The following MTHFD1 variants were observed in gnomAD, a reference collection of about 807,000 sequenced individuals.
MTHFD1 encodes the protein methylenetetrahydrofolate dehydrogenase, cyclohydrolase and formyltetrahydrofolate synthetase 1, also known as C-1-tetrahydrofolate synthase, cytoplasmic.
A neutral mutation model predicts 110.3 loss-of-function variants in MTHFD1; 44 were observed. The observed-to-expected ratio is 0.40, with a 90% confidence interval of 0.31 to 0.51. The LOEUF (loss-of-function observed/expected upper bound fraction) is 0.51, where lower values mean the gene tolerates loss of function less well. Among genes scored for constraint, MTHFD1 ranks in the 20% least tolerant of loss-of-function variants. The pLI is 0.60. For missense variants in MTHFD1, 909 were observed against 1,173.1 expected, an observed-to-expected ratio of 0.77 and a Z score of 3.29; for synonymous variants, 402 against 428.8, an observed-to-expected ratio of 0.94 and a Z score of 0.77.
At chr14:64,416,142 G>A (rs1172028483) in intron 6 of MTHFD1, among the ~76,000 whole-genome samples, 1 of 152,120 alleles carries the variant, frequency 6.6e-6, no homozygotes, top group Non-Finnish European at 1.5e-5. Context: ...CTATTCGGGA[G>A]GCAGAGGTGG....
At chr14:64,430,155 T>C in intron 12 of MTHFD1, 29 bp from the exon 13 acceptor site, 1 of 1,611,108 alleles carries the variant, frequency 6.2e-7, no homozygotes, top group Non-Finnish European at 8.5e-7. Flanking sequence ...CATGCTTAAC[T>C]GAGCTTCCAC....
At chr14:64,407,501 T>C (rs2077944207) in intron 2 of MTHFD1, among the ~76,000 whole-genome samples, 1 of 148,764 alleles carries the variant, frequency 6.7e-6, no homozygotes, top group Non-Finnish European at 1.5e-5. Flanking sequence ...GTGATAGAAA[T>C]ACAGCCTCAG....
chr14:64,445,061 C>T (rs1310100018), intron 22 of MTHFD1: 1 of 383,700 alleles, frequency 2.6e-6, no homozygotes, highest in Non-Finnish European at 5.0e-6. Flanking sequence ...GGGAGTGCTA[C>T]TGGAATCTAG....
chr14:64,419,978 G>C, intron 8 of MTHFD1, 53 bp downstream of exon 8: 1 of 1,267,396 alleles, frequency 7.9e-7, no homozygotes, highest in Non-Finnish European at 1.2e-6. Context: ...ATGGTATCTA[G>C]GTCATCAAAA....
In MTHFD1 at chr14:64,417,633, C is replaced by G. The variant is rs56386725; in HGVS notation, c.479-255C>G. On this transcript the variant is annotated intron_variant, in intron 6 of 27. Coordinates refer to ENST00000652337, the MANE Select transcript of MTHFD1 (RefSeq NM_005956.4). This position sits in a 1 kb window ranked among gnomAD's most constrained non-coding sequence, Gnocchi z 4.4. ...GAGTGTAGGTTTTCTTCCCACTCCC[C>G]TATGACTCAATGAATGATCTTGGCT... Among the ~76,000 whole-genome samples, 11,793 of 152,158 alleles carry G rather than the reference C, an allele frequency of 0.078. 512 individuals carry two copies. The highest frequency in any genetic ancestry group is 0.095 in the African/African-American group (3,930 of 41,490).
intron 13 of MTHFD1, among the ~76,000 whole-genome samples, chr14:64,430,899 T>C (rs2078153421): frequency 6.6e-6 from 1 of 152,104 alleles, no homozygotes; most frequent in Non-Finnish European, 1.5e-5. Context: ...CGTGCACTCC[T>C]CCTCGCTGTT....
chr14:64,440,000 T>C (rs2140974001), intron 17 of MTHFD1, 126 bp from the exon 18 acceptor site: 2 of 711,674 alleles, frequency 2.8e-6, no homozygotes, highest in Non-Finnish European at 2.3e-6. Flanking sequence ...TTTTGGGTAG[T>C]ATTCTGTTAT....
chr14:64,410,657 C>G (rs530154230), intron 2 of MTHFD1, among the ~76,000 whole-genome samples: 1 of 152,140 alleles, frequency 6.6e-6, no homozygotes, highest in Non-Finnish European at 1.5e-5. Flanking sequence ...TTCCATTGCC[C>G]CTGCGGGTGG....
In MTHFD1 at chr14:64,442,405, G is replaced by A; in HGVS notation, c.2136+3G>A. 1 of 1,614,016 alleles carries A rather than the reference G, an allele frequency of 6.2e-7. No individual in the cohort carries two copies. The highest frequency in any genetic ancestry group is 8.5e-7 in the Non-Finnish European group (1 of 1,180,014). ...AGATGCACGGGGGCGGCCCCACGGT[G>A]AGTGGTGGGTTGAAGTATCTGATTA... On this transcript the variant is annotated splice_donor_region_variant and intron_variant, in intron 21 of 27. Transcript: ENST00000652337.
intron 2 of MTHFD1, among the ~76,000 whole-genome samples, chr14:64,402,384 A>G (rs2077904356): frequency 6.6e-6 from 1 of 152,222 alleles, no homozygotes; most frequent in Admixed American, 6.5e-5. Context: ...TCAAGCTCAC[A>G]GGGGTGGATA....
rs1453488364 is a variant in MTHFD1, at chr14:64,448,380, C to A, written c.2279+63C>A. 2.4e-6 allele frequency: 3 copies of A among 1,252,536 alleles called. No homozygotes were observed. The African/African-American group carries it at 4.4e-5, about 18-fold the overall frequency. The allele number at this position is 1,252,536 out of a possible 1,614,324, so 77.6% of individuals were successfully genotyped here. ...AAATCTCCTGGAGCTGATTGTACAG[C>A]ACTGCTTTTAGCTTTATTTTGTTTT... On this transcript the variant is annotated intron_variant, in intron 23 of 27. Transcript: ENST00000652337.
At chr14:64,421,836 AG>A (rs1462456928) in intron 8 of MTHFD1, among the ~76,000 whole-genome samples, 1 of 152,092 alleles carries the variant, frequency 6.6e-6, no homozygotes, top group African/African-American at 2.4e-5. Flanking sequence ...CATGTTAGCC[AG>A]GATGGTCTCG....
At chr14:64,425,161 G>T (rs1374653834) in intron 9 of MTHFD1, among the ~76,000 whole-genome samples, 1 of 151,674 alleles carries the variant, frequency 6.6e-6, no homozygotes, top group Non-Finnish European at 1.5e-5. Flanking sequence ...AAGAAGAAAA[G>T]TGCGATCACA....
chr14:64,420,331 G>A (rs913944222), intron 8 of MTHFD1, among the ~76,000 whole-genome samples: 2 of 152,118 alleles, frequency 1.3e-5, no homozygotes. Context: ...CCAAGAGGAG[G>A]GCTTTACAAA....
intron 1 of MTHFD1, among the ~76,000 whole-genome samples, chr14:64,397,877 G>GT (rs2140943964): frequency 1.3e-5 from 2 of 152,140 alleles, no homozygotes; most frequent in East Asian, 3.9e-4. Flanking sequence ...TTAGCAATGT[G>GT]TTTTTTTCTC....
At chr14:64,437,306 C>T (rs973950122) in intron 16 of MTHFD1, among the ~76,000 whole-genome samples, 1 of 152,140 alleles carries the variant, frequency 6.6e-6, no homozygotes, top group Non-Finnish European at 1.5e-5. Context: ...AAACTCTGTT[C>T]TAAAACATAT....
chr14:64,434,655 A>G (rs1206412014), intron 15 of MTHFD1, among the ~76,000 whole-genome samples: 1 of 152,152 alleles, frequency 6.6e-6, no homozygotes, highest in Admixed American at 6.5e-5. Context: ...CAGCTTGCAC[A>G]TTTCAAATGT....
intron 7 of MTHFD1, among the ~76,000 whole-genome samples, chr14:64,418,764 C>T (rs1596540705): frequency 6.6e-6 from 1 of 151,992 alleles, no homozygotes; most frequent in East Asian, 1.9e-4. Flanking sequence ...CCATGTTGGT[C>T]AGGCCGGTCT....
At chr14:64,436,997 G>A (rs8016118) in intron 16 of MTHFD1, among the ~76,000 whole-genome samples, 1 of 151,994 alleles carries the variant, frequency 6.6e-6, no homozygotes, top group Non-Finnish European at 1.5e-5. Context: ...AAGAGTGGGG[G>A]GTGTGTGTGT....
Sources: gnomAD v4.1 joint callset for allele counts (sites outside exome capture counted in the v4.1 genomes callset) on GRCh38, gnomAD v4.1.1 for gene constraint, Gnocchi (gnomAD v3.1) non-coding constraint, MANE v1.5 for transcripts, NCBI Gene and HGNC (gene_info 2026-07-23, HGNC 2026-07-21) for gene names.